CMPK2: variants seen among roughly 807,000 people sequenced by gnomAD.
CMPK2 encodes the protein cytidine/uridine monophosphate kinase 2.
Under a neutral mutation model 33.4 loss-of-function variants are expected in CMPK2, and 32 were observed. The observed-to-expected ratio is 0.96, with a 90% CI of 0.72 to 1.29. CMPK2 has a LOEUF of 1.29. Ranked by LOEUF, CMPK2 falls within the 50% of genes most tolerant of loss-of-function variation. The pLI is 0.00. For missense variants in CMPK2, 672 were observed against 616.0 expected, an observed-to-expected ratio of 1.09 and a Z score of -0.96; for synonymous variants, 299 against 275.3, an observed-to-expected ratio of 1.09 and a Z score of -0.85.
chr2:6,850,849 AGGC>A, intron 4 of CMPK2: 3 of 988,472 alleles, frequency 3.0e-6, no homozygotes, highest in South Asian at 4.6e-5. Context: ...CTCAGTCATG[AGGC>A]AGGAGGCCTG....
intron 3 of CMPK2, among the ~76,000 whole-genome samples, chr2:6,857,127 T>C (rs1029593304): frequency 1.3e-5 from 2 of 152,202 alleles, no homozygotes; most frequent in Non-Finnish European, 2.9e-5. Flanking sequence ...CCTTTAGTTA[T>C]AGTAGTTTCA....
intron 3 of CMPK2, among the ~76,000 whole-genome samples, chr2:6,858,988 A>G (rs1246263819): frequency 6.6e-6 from 1 of 152,234 alleles, no homozygotes; most frequent in Non-Finnish European, 1.5e-5. Context: ...TGATAATGAT[A>G]TGGACAATGA....
At chr2:6,864,682 G>C (rs1206330815) in intron 1 of CMPK2, among the ~76,000 whole-genome samples, 1 of 152,156 alleles carries the variant, frequency 6.6e-6, no homozygotes, top group Non-Finnish European at 1.5e-5. Context: ...TCCTTGAATG[G>C]TGATCATCAG....
rs1221986941 is a variant in CMPK2, at chr2:6,851,488, T to C, written c.1188A>G (p.Glu396=). ...LQGRGMEKTR[E]EAELEANSVF... is the part of the protein sequence containing the mutation. Reference sequence around the variant, plus strand: ...CACTGTTGGCCTCAAGTTCTGCTTCTTCCCTGGTCTTCTCCATGCCCCGGC... The same window carrying C: ...CACTGTTGGCCTCAAGTTCTGCTTCCTCCCTGGTCTTCTCCATGCCCCGGC... Residue 396 remains glutamate, a synonymous_variant, in exon 4 of 5, where the codon GAA becomes GAG. Transcript: ENST00000256722. The C allele has an allele frequency of 6.2e-7, 1 of 1,614,240 alleles. No homozygotes were observed.
At chr2:6,846,987 C>CA (rs1662377432), downstream of CMPK2, among the ~76,000 whole-genome samples, 2 of 152,068 alleles carry the variant, frequency 1.3e-5, no homozygotes, top group Admixed American at 6.5e-5. Flanking sequence ...TTAAGGAGTG[C>CA]AGACAACAAG....
chr2:6,851,077 A>G (rs1662507118), intron 4 of CMPK2: 1 of 1,077,150 alleles, frequency 9.3e-7, no homozygotes. Context: ...AATGCCTGAC[A>G]CACGGGAAGC....
At chr2:6,846,021 G>A (rs367757499), downstream of CMPK2, among the ~76,000 whole-genome samples, 29 of 152,268 alleles carry the variant, frequency 1.9e-4, no homozygotes, top group African/African-American at 6.5e-4. Context: ...ATAGAGGAAC[G>A]TAAAAGGGAA....
At chr2:6,851,383 A>G (rs1572134600) in intron 4 of CMPK2, 67 bp downstream of exon 4, 2 of 1,606,100 alleles carry the variant, frequency 1.2e-6, no homozygotes, top group East Asian at 4.5e-5. Flanking sequence ...TCCTAAAGCC[A>G]GTGCCAGTGG....
intron 3 of CMPK2, among the ~76,000 whole-genome samples, chr2:6,858,008 A>G (rs1662766710): frequency 6.6e-6 from 1 of 152,328 alleles, no homozygotes; most frequent in Middle Eastern, 3.4e-3. Context: ...AATCCATTCT[A>G]TGAATGGCCT....
rs1663052922 is a variant in CMPK2 at position 6,865,579 on chromosome 2, A to G, written c.118T>C (p.Cys40Arg). 7.2e-7 allele frequency: 1 copy of G among 1,380,504 alleles called. No homozygotes were observed. Among genetic ancestry groups the G allele is most frequent in the Non-Finnish European group, 9.4e-7 (1 of 1,066,778 alleles). The allele number at this position is 1,380,504 out of a possible 1,614,324, so 85.5% of individuals were successfully genotyped here. The change falls in exon 1 of 5, where the codon TGC (cysteine) becomes CGC (arginine). Residue 40 changes from cysteine to arginine, a missense_variant. By Grantham distance (180) the Cys-to-Arg change is radical (BLOSUM62 -3). Transcript: ENST00000256722. ...CCTAGGGCGAAGTGAGCCAGGGTGC[A>G]GTCGGGAAGCTCCAGGACGAAGCGG... is the stretch of plus-strand genomic sequence containing the variant. ...PRRFVLELPD[C>R]TLAHFALGAD...
chr2:6,849,669 C>G lies in CMPK2; in HGVS notation c.*181G>C. 1 of 1,436,788 alleles carries G rather than the reference C, an allele frequency of 7.0e-7. No homozygotes were observed. Among genetic ancestry groups the G allele is most frequent in the South Asian group, 1.6e-5 (1 of 63,150 alleles). 89.0% of individuals were successfully genotyped at this position (1,436,788 alleles called of 1,614,324 possible). Reference sequence around the variant, plus strand: ...ATGATGAGAGGGACCTTTGTGATGACGGGTCCATCAGTCAGAAGAGGGTAC... The same window carrying G: ...ATGATGAGAGGGACCTTTGTGATGAGGGGTCCATCAGTCAGAAGAGGGTAC... On this transcript the variant is annotated 3_prime_UTR_variant, in exon 5 of 5. Transcript: ENST00000256722.
rs1383156686 is a variant in CMPK2 at position 6,861,226 on chromosome 2, T to G, written c.950A>C (p.Glu317Ala). ...AGATTTGGCAGATTCTTTAGCTATTTCGGAGGCCACAATATAATTGCCCAA... is the reference window on the plus strand; with the variant it reads ...AGATTTGGCAGATTCTTTAGCTATTGCGGAGGCCACAATATAATTGCCCAA... The part of the protein sequence containing the change: ...YSLGNYIVAS[E>A]IAKESAKSPV... Residue 317 changes from glutamate to alanine, a missense_variant, in exon 3 of 5, where the codon GAA (glutamate) becomes GCA (alanine). Physicochemically the swap from Glu to Ala is moderately radical, Grantham distance 107. Transcript: ENST00000256722. 3 of 1,614,172 alleles carry G rather than the reference T, an allele frequency of 1.9e-6. No individual in the cohort carries two copies. The highest frequency in any genetic ancestry group is 1.1e-5 in the South Asian group (1 of 91,088).
chr2:6,853,538 C>T (rs898905708), intron 3 of CMPK2, among the ~76,000 whole-genome samples: 1 of 152,034 alleles, frequency 6.6e-6, no homozygotes, highest in Non-Finnish European at 1.5e-5. Context: ...CACACTGTTA[C>T]TATAAGATAA....
chr2:6,848,919 A>C lies in CMPK2; in HGVS notation c.*931T>G. The C allele has an allele frequency of 1.0e-6, 1 of 985,798 alleles. No homozygotes were observed. The highest frequency in any genetic ancestry group is 4.7e-5 in the South Asian group (1 of 21,290). 61.1% of individuals were successfully genotyped at this position (985,798 alleles called of 1,614,324 possible). On this transcript the variant is annotated 3_prime_UTR_variant, in exon 5 of 5. Transcript: ENST00000256722. ...TGTACTTATTTAACAAGACAAATTA[A>C]GTTTGTGTAATGAAAATACACAACA...
At chr2:6,861,721 T>G (rs1302845344) in intron 2 of CMPK2, among the ~76,000 whole-genome samples, 1 of 152,222 alleles carries the variant, frequency 6.6e-6, no homozygotes. Flanking sequence ...TCTTATTGTC[T>G]ATAGTTGATG....
chr2:6,850,303 A>G (rs1001834962), intron 4 of CMPK2, among the ~76,000 whole-genome samples: 3 of 152,240 alleles, frequency 2.0e-5, no homozygotes, highest in African/African-American at 7.2e-5. Context: ...ACTGAAGCTC[A>G]AAGAATTTAG....
downstream of CMPK2, among the ~76,000 whole-genome samples, chr2:6,847,448 C>T (rs61629990): frequency 2.0e-5 from 3 of 152,316 alleles, no homozygotes; most frequent in African/African-American, 7.2e-5. Context: ...TTTGTGCAAG[C>T]TTTTATCTGA....
At position 6,865,849 on chromosome 2, in the gene CMPK2, G is replaced by T. The variant is rs535596551; in HGVS notation, c.-153C>A. The T allele has an allele frequency of 6.2e-6, 8 of 1,293,308 alleles. No homozygotes were observed. The South Asian group carries it at 1.4e-4, about 23-fold the overall frequency. The allele number at this position is 1,293,308 out of a possible 1,614,324, so 80.1% of individuals were successfully genotyped here. On this transcript the variant is annotated 5_prime_UTR_variant, in exon 1 of 5. Transcript: ENST00000256722. ...GGAAACGAAAGCCGGAGGCCCAGGCGGGGCAGGAGCCCTGGGGCTGGGGCG... is the reference window on the plus strand; with the variant it reads ...GGAAACGAAAGCCGGAGGCCCAGGCTGGGCAGGAGCCCTGGGGCTGGGGCG...
chr2:6,851,640 T>A lies in CMPK2; in HGVS notation c.1036A>T (p.Ser346Cys). 1 of 1,614,030 alleles carries A rather than the reference T, an allele frequency of 6.2e-7. No individual in the cohort carries two copies. The highest frequency in any genetic ancestry group is 8.5e-7 in the Non-Finnish European group (1 of 1,180,010). The stretch of plus-strand genomic sequence containing the variant: ...GGGGGCAGGTGCTGGAGACCCCCAC[T>A]CACCTCAGTGGCTATGGCATAGGTG... ...TATYAIATEV[S>C]GGLQHLPPAH... is the part of the protein sequence containing the mutation. The change falls in exon 4 of 5, where the codon AGT (serine) becomes TGT (cysteine). Residue 346 changes from serine to cysteine, a missense_variant. Transcript: ENST00000256722.
Sources: gnomAD v4.1 joint callset for allele counts (sites outside exome capture counted in the v4.1 genomes callset) on GRCh38, gnomAD v4.1.1 for gene constraint, MANE v1.5 for transcripts, NCBI Gene and HGNC (gene_info 2026-07-23, HGNC 2026-07-21) for gene names.